The following KCNH7 variants were observed in gnomAD, a reference collection of about 807,000 sequenced individuals.
KCNH7 encodes the protein voltage-gated inwardly rectifying potassium channel KCNH7.
A neutral mutation model predicts 120.8 loss-of-function variants in KCNH7; 49 were observed. The observed-to-expected ratio is 0.41, with a 90% CI of 0.32 to 0.51. KCNH7 has a LOEUF of 0.51. Ranked by LOEUF, KCNH7 falls within the 20% of genes least tolerant of loss-of-function variation. KCNH7 has a pLI of 0.38. For missense variants in KCNH7, 1,097 were observed against 1,446.6 expected (o/e 0.76, Z 3.92); for synonymous variants, 547 against 516.1 (o/e 1.06, Z -0.81).
intron 2 of KCNH7, chr2:162,795,751 T>A (rs989043800): frequency 6.6e-6 from 1 of 152,056 alleles, no homozygotes; most frequent in African/African-American, 2.4e-5. Context: ...ATAGTTAGGA[T>A]TCAATAAATA....
intron 2 of KCNH7, among the ~76,000 whole-genome samples, chr2:162,669,560 T>G (rs1685264546): frequency 1.3e-5 from 2 of 152,216 alleles, no homozygotes; most frequent in South Asian, 4.1e-4. Context: ...AAGGACACTT[T>G]TAAAGCAGTG....
intron 2 of KCNH7, among the ~76,000 whole-genome samples, chr2:162,555,430 T>C (rs1256028041): frequency 6.6e-6 from 1 of 152,230 alleles, no homozygotes. Flanking sequence ...TTTCATCCTT[T>C]AGGTCATTTC....
chr2:162,492,900 GT>G (rs1690367380), intron 6 of KCNH7, among the ~76,000 whole-genome samples: 1 of 25,520 alleles, frequency 3.9e-5, no homozygotes, highest in Non-Finnish European at 9.5e-5. Context: ...TTTGGAAAAG[GT>G]TTTTTTCTCA....
rs564191634 is a variant in KCNH7 at position 162,503,008 on chromosome 2, A to C, written c.1128+1435T>G. Among the ~76,000 whole-genome samples the C allele has an allele frequency of 2.6e-5, 4 of 152,242 alleles. No homozygotes were observed. In the South Asian group the frequency reaches 8.3e-4, roughly 32 times the overall value. ...ATTTCCAGCTTCTCTTTTAAAATGG[A>C]AAGATTTGCAAGCATTCATTAATTG... is the stretch of plus-strand genomic sequence containing the variant. On this transcript the variant is annotated intron_variant, in intron 6 of 15. Transcript: ENST00000332142.
chr2:162,729,072 A>C (rs1268091376), intron 2 of KCNH7, among the ~76,000 whole-genome samples: 2 of 150,950 alleles, frequency 1.3e-5, no homozygotes, highest in Admixed American at 6.6e-5. Flanking sequence ...CCCCTATTAC[A>C]TTACCTTGGC....
At chr2:162,464,133 A>G (rs1689236867) in intron 6 of KCNH7, among the ~76,000 whole-genome samples, 1 of 152,028 alleles carries the variant, frequency 6.6e-6, no homozygotes. Flanking sequence ...TCTGAAATAA[A>G]TGCAAAGAAA....
intron 2 of KCNH7, among the ~76,000 whole-genome samples, chr2:162,710,276 T>G (rs1322921152): frequency 6.6e-6 from 1 of 152,196 alleles, no homozygotes; most frequent in Non-Finnish European, 1.5e-5. Context: ...GCCATAACAA[T>G]TTGAAACAAA....
At chr2:162,536,754 A>G (rs1478970866) in intron 3 of KCNH7, among the ~76,000 whole-genome samples, 171 bp downstream of exon 3, 1 of 152,040 alleles carries the variant, frequency 6.6e-6, no homozygotes, top group Non-Finnish European at 1.5e-5. Context: ...AGCAGCCAAC[A>G]AATTTTGGAA....
chr2:162,501,316 T>A (rs1574034899), intron 6 of KCNH7, among the ~76,000 whole-genome samples: 2 of 152,202 alleles, frequency 1.3e-5, no homozygotes, highest in Admixed American at 1.3e-4. Flanking sequence ...AGAACTTTTA[T>A]AAAATATGAT....
chr2:162,460,697 A>G (rs1323787750), intron 6 of KCNH7, among the ~76,000 whole-genome samples: 1 of 152,272 alleles, frequency 6.6e-6, no homozygotes, highest in East Asian at 1.9e-4. Flanking sequence ...TTGACCTTGA[A>G]TTTTTATCCT....
intron 2 of KCNH7, among the ~76,000 whole-genome samples, chr2:162,603,974 A>G (rs573390721): frequency 6.6e-6 from 1 of 152,224 alleles, no homozygotes; most frequent in East Asian, 1.9e-4. Context: ...CTCAATCTGT[A>G]ATGTACTGCA....
chr2:162,426,249 C>G (rs1687860655), intron 8 of KCNH7, among the ~76,000 whole-genome samples: 1 of 145,392 alleles, frequency 6.9e-6, no homozygotes. Context: ...ACCTGAAATA[C>G]TTATTTTTAG....
intron 2 of KCNH7, among the ~76,000 whole-genome samples, chr2:162,665,654 G>A (rs548168078): frequency 1.2e-3 from 181 of 152,192 alleles, no homozygotes; most frequent in Non-Finnish European, 2.2e-3. Flanking sequence ...CTGCTATCTT[G>A]TATAAGCAAC....
rs112356504 is a variant in KCNH7, at chr2:162,652,660, A to T, written c.308-115580T>A. On this transcript the variant is annotated intron_variant, in intron 2 of 15. Coordinates refer to ENST00000332142, the MANE Select transcript of KCNH7 (RefSeq NM_033272.4). ...GGTCGCTCATCTACCACTCATCTCT[A>T]GCTGTCCTGCTGTGTGGTCCAGTTC... Among the ~76,000 whole-genome samples the T allele has an allele frequency of 6.7e-3, 1,013 of 152,230 alleles. 16 individuals carry two copies. Among genetic ancestry groups the T allele is most frequent in the African/African-American group, 0.023 (957 of 41,534 alleles).
intron 2 of KCNH7, among the ~76,000 whole-genome samples, chr2:162,759,217 T>G (rs1356454295): frequency 6.6e-6 from 1 of 152,090 alleles, no homozygotes; most frequent in African/African-American, 2.4e-5. Flanking sequence ...GACTTCTGGA[T>G]TGAAAGGTAA....
chr2:162,690,060 T>C (rs1324420531), intron 2 of KCNH7, among the ~76,000 whole-genome samples: 2 of 152,094 alleles, frequency 1.3e-5, no homozygotes, highest in Admixed American at 6.6e-5. Flanking sequence ...AAAAAAACAA[T>C]GAGATCATGT....
At chr2:162,707,688 A>G (rs1686763543) in intron 2 of KCNH7, among the ~76,000 whole-genome samples, 1 of 152,134 alleles carries the variant, frequency 6.6e-6, no homozygotes, top group African/African-American at 2.4e-5. Flanking sequence ...GATATAAAGA[A>G]GTATTAATAT....
intron 2 of KCNH7, among the ~76,000 whole-genome samples, chr2:162,747,927 CT>C (rs1688370344): frequency 6.6e-6 from 1 of 152,174 alleles, no homozygotes; most frequent in Non-Finnish European, 1.5e-5. Flanking sequence ...CGAGCAAATA[CT>C]TATTCTGATT....
At chr2:162,510,021 A>G (rs1386358799) in intron 5 of KCNH7, among the ~76,000 whole-genome samples, 1 of 151,630 alleles carries the variant, frequency 6.6e-6, no homozygotes, top group Admixed American at 6.6e-5. Context: ...AAAAGCCACC[A>G]AGTTGGAGGT....
Sources: gnomAD v4.1 joint callset for allele counts (sites outside exome capture counted in the v4.1 genomes callset) on GRCh38, gnomAD v4.1.1 for gene constraint, MANE v1.5 for transcripts, NCBI Gene and HGNC (gene_info 2026-07-23, HGNC 2026-07-21) for gene names.